Variants in ATP2B2 observed in about 807,000 individuals in gnomAD.
ATP2B2 encodes the protein ATPase plasma membrane Ca2+ transporting 2, also known as plasma membrane calcium-transporting ATPase 2.
In ATP2B2, 15 loss-of-function variants were observed where a neutral mutation model predicts 120.0. The observed-to-expected ratio is 0.12, with a 90% CI of 0.08 to 0.19. The LOEUF is 0.19. ATP2B2 is among the 10% of genes least tolerant of loss of function. The probability of loss-of-function intolerance (pLI) is 1.00; values close to 1 mark genes in which losing one functional copy is unlikely to be tolerated. For synonymous variants in ATP2B2, 694 were observed against 700.3 expected, an observed-to-expected ratio of 0.99 and a Z score of 0.14; for missense variants, 1,045 against 1,719.8, an observed-to-expected ratio of 0.61 and a Z score of 6.94.
At chr3:10,414,010 A>G (rs2062700246) in intron 2 of ATP2B2, among the ~76,000 whole-genome samples, 6 of 152,156 alleles carry the variant, frequency 3.9e-5, no homozygotes, top group Admixed American at 2.0e-4. Flanking sequence ...CCCCATTTCA[A>G]CAATGGGAGT....
chr3:10,382,513 A>C (rs1037375912), intron 8 of ATP2B2, among the ~76,000 whole-genome samples: 3 of 141,268 alleles, frequency 2.1e-5, no homozygotes, highest in African/African-American at 5.3e-5. Flanking sequence ...TGACCGGCTA[A>C]TTTTTTTTTT....
intron 8 of ATP2B2, among the ~76,000 whole-genome samples, chr3:10,384,430 T>G (rs2061614504): frequency 6.6e-6 from 1 of 152,194 alleles, no homozygotes; most frequent in Non-Finnish European, 1.5e-5. Flanking sequence ...TGTCACTTTA[T>G]TTGGGGATAG....
At chr3:10,539,530 T>C (rs2067387534) in intron 2 of ATP2B2, among the ~76,000 whole-genome samples, 1 of 152,048 alleles carries the variant, frequency 6.6e-6, no homozygotes, top group South Asian at 2.1e-4. Context: ...TACAGACCAA[T>C]GGAACCAAAC....
At chr3:10,602,165 C>T (rs997076436) in intron 2 of ATP2B2, among the ~76,000 whole-genome samples, 1 of 152,194 alleles carries the variant, frequency 6.6e-6, no homozygotes, top group African/African-American at 2.4e-5. Flanking sequence ...CCCTCCCTGC[C>T]CTCATCAAAA....
chr3:10,605,497 G>T (rs1423331906), intron 2 of ATP2B2, among the ~76,000 whole-genome samples: 1 of 152,202 alleles, frequency 6.6e-6, no homozygotes, highest in African/African-American at 2.4e-5. Flanking sequence ...AGGCTGGGGG[G>T]AAACTGGGGA....
At chr3:10,576,885 A>G (rs1309598932) in intron 2 of ATP2B2, among the ~76,000 whole-genome samples, 1 of 151,960 alleles carries the variant, frequency 6.6e-6, no homozygotes, top group East Asian at 1.9e-4. Flanking sequence ...CAATATGGTG[A>G]AACCCCGTCT....
intron 14 of ATP2B2, among the ~76,000 whole-genome samples, chr3:10,352,696 C>G (rs2060613136): frequency 6.6e-6 from 1 of 152,238 alleles, no homozygotes; most frequent in African/African-American, 2.4e-5. Context: ...TGACCTCATT[C>G]TTACAGGGCT....
Position 10,472,013 on chromosome 3 carries a change from G to A in ATP2B2, c.-319-22151C>T, listed in dbSNP as rs181222358. ...GGAGAATGGCGTGAACCCGGGAGGC[G>A]GAACTTGGAGTGAGCCGAGATTGCG... is the stretch of plus-strand genomic sequence containing the variant. On this transcript the variant is annotated intron_variant, in intron 1 of 22. Coordinates refer to ENST00000360273, the MANE Select transcript of ATP2B2 (RefSeq NM_001001331.4). Among the ~76,000 whole-genome samples the A allele has an allele frequency of 2.3e-4, 35 of 150,258 alleles. No individual in the cohort carries two copies. In the East Asian group the frequency reaches 5.1e-3, roughly 22 times the overall value.
intron 1 of ATP2B2, among the ~76,000 whole-genome samples, chr3:10,694,304 C>G (rs748820119): frequency 6.6e-6 from 1 of 152,212 alleles, no homozygotes; most frequent in African/African-American, 2.4e-5. Context: ...TCGTACTACC[C>G]CTTTACAGCC....
At chr3:10,410,562 C>T (rs1211467939) in intron 3 of ATP2B2, 56 bp downstream of exon 3, 33 of 1,527,298 alleles carry the variant, frequency 2.2e-5, no homozygotes, top group African/African-American at 8.3e-5. Context: ...TGCCCCCCAG[C>T]GTGGATGCGG....
intron 1 of ATP2B2, among the ~76,000 whole-genome samples, chr3:10,681,472 C>T (rs2071382461): frequency 1.3e-5 from 2 of 152,224 alleles, no homozygotes; most frequent in Non-Finnish European, 2.9e-5. Flanking sequence ...ATATGAGGGG[C>T]TTCACAGTCA....
In ATP2B2 at chr3:10,386,480, C is replaced by T. The variant is rs1383029083; in HGVS notation, c.940G>A (p.Ala314Thr). 9.3e-6 allele frequency: 15 copies of T among 1,614,136 alleles called. No individual in the cohort carries two copies. The highest frequency in any genetic ancestry group is 1.3e-5 in the Non-Finnish European group (15 of 1,179,974). ...CTACCCTGAGGGTGTCTTACTGTAC[C>T]TGGTAGCTGAAGGCCATCCCCCTTC... The part of the protein sequence containing the change: ...VKKGDGLQLP[A>T]ADGAAASNAA... Residue 314 changes from alanine (A) to threonine (T), a missense_variant and splice_region_variant, in exon 7 of 23, where the codon GCA becomes ACA. Ala to Thr is a moderately conservative substitution (Grantham distance 58, BLOSUM62 0). Coordinates refer to ENST00000360273, the MANE Select transcript of ATP2B2 (RefSeq NM_001001331.4).
At chr3:10,420,300 A>G (rs538526597) in intron 2 of ATP2B2, among the ~76,000 whole-genome samples, 1 of 151,922 alleles carries the variant, frequency 6.6e-6, no homozygotes, top group South Asian at 2.1e-4. Context: ...GCCTCACTAG[A>G]GACTCCTTCC....
intron 1 of ATP2B2, among the ~76,000 whole-genome samples, chr3:10,659,689 A>G (rs2070730242): frequency 1.3e-5 from 2 of 152,116 alleles, no homozygotes; most frequent in African/African-American, 4.8e-5. Flanking sequence ...AGATCAACAA[A>G]ACAGAAAGTT....
chr3:10,570,086 T>A (rs1277953467), intron 2 of ATP2B2: 1 of 152,212 alleles, frequency 6.6e-6, no homozygotes, highest in African/African-American at 2.4e-5. Flanking sequence ...CTTCCTCTGT[T>A]TGGGGAGCTG....
intron 6 of ATP2B2, among the ~76,000 whole-genome samples, chr3:10,386,864 G>A (rs754838980): frequency 9.2e-5 from 14 of 152,178 alleles, no homozygotes; most frequent in African/African-American, 1.4e-4. Flanking sequence ...CATGCTCAGC[G>A]AAGGACCCTG....
At chr3:10,611,748 A>G (rs898161185) in intron 2 of ATP2B2, among the ~76,000 whole-genome samples, 1 of 152,136 alleles carries the variant, frequency 6.6e-6, no homozygotes, top group Non-Finnish European at 1.5e-5. Context: ...TCCCATCGTC[A>G]TTCACTTCTA....
At chr3:10,559,365 C>A (rs1159878676) in intron 2 of ATP2B2, among the ~76,000 whole-genome samples, 1 of 152,008 alleles carries the variant, frequency 6.6e-6, no homozygotes, top group African/African-American at 2.4e-5. Flanking sequence ...TGCACATGTT[C>A]AAAAATCTGG....
At chr3:10,465,436 T>C (rs914543058) in intron 1 of ATP2B2, among the ~76,000 whole-genome samples, 4 of 152,258 alleles carry the variant, frequency 2.6e-5, no homozygotes, top group Admixed American at 2.0e-4. Context: ...TGCTTCCCTC[T>C]TTCCCAGTGG....
Sources: allele counts gnomAD v4.1 joint callset (sites outside exome capture counted in the v4.1 genomes callset), GRCh38; gene constraint gnomAD v4.1.1; transcripts MANE v1.5; gene names NCBI Gene and HGNC (gene_info 2026-07-23, HGNC 2026-07-21).